The following B3GALT1 variants were observed in gnomAD, a reference collection of about 807,000 sequenced individuals.
B3GALT1 encodes the protein beta-1,3-galactosyltransferase 1, also known as UDP-Gal:betaGlcNAc beta 1,3-galactosyltransferase, polypeptide 1.
Under a neutral mutation model 23.2 loss-of-function variants are expected in B3GALT1, and 10 were observed. That is an observed-to-expected ratio of 0.43 (90% CI 0.27 to 0.73). The LOEUF (loss-of-function observed/expected upper bound fraction) is 0.73. Among genes scored for constraint, B3GALT1 ranks in the 30% least tolerant of loss-of-function variants. The pLI, the probability that B3GALT1 is intolerant of heterozygous loss-of-function variation, is 0.21. For synonymous variants in B3GALT1, 156 were observed against 141.5 expected (o/e 1.10, Z -0.73); for missense variants, 299 against 405.4 (o/e 0.74, Z 2.25).
chr2:167,674,825 T>C (rs751349519), intron 3 of B3GALT1, among the ~76,000 whole-genome samples: 91 of 152,350 alleles, frequency 6.0e-4, no homozygotes, highest in Non-Finnish European at 1.1e-3. Flanking sequence ...TGACATTAAA[T>C]GTGATGAATA....
intron 2 of B3GALT1, among the ~76,000 whole-genome samples, chr2:167,570,234 T>C (rs1684265281): frequency 6.6e-6 from 1 of 151,922 alleles, no homozygotes; most frequent in African/African-American, 2.4e-5. Context: ...TTATAGAGAA[T>C]TGGTGTAATT....
chr2:167,577,844 C>G (rs1163143215), intron 2 of B3GALT1, among the ~76,000 whole-genome samples: 1 of 151,500 alleles, frequency 6.6e-6, no homozygotes, highest in African/African-American at 2.4e-5. Flanking sequence ...CCTAGCTACT[C>G]TATATTAATT....
chr2:167,443,287 A>G (rs934061287), intron 1 of B3GALT1, among the ~76,000 whole-genome samples: 15 of 152,090 alleles, frequency 9.9e-5, no homozygotes, highest in African/African-American at 3.6e-4. Context: ...GCCTTGTAGT[A>G]TAGTTTGAAG....
At position 167,869,427 on chromosome 2, in the gene B3GALT1, G is replaced by A. The variant is rs774294184; in HGVS notation, c.388G>A (p.Val130Met). The change falls in exon 5 of 5, where the codon GTG becomes ATG. Residue 130 changes from valine (V) to methionine (M), a missense_variant. Around this residue, in one of 3 missense-constraint regions of B3GALT1, gnomAD observed 162 missense variants for 184.1 expected, o/e 0.88. Coordinates refer to ENST00000392690, the MANE Select transcript of B3GALT1 (RefSeq NM_020981.4). The surrounding 1 kb of genome is among the most constrained non-coding windows in gnomAD (Gnocchi z 6.4). Reference sequence around the variant, plus strand: ...TGCTGATCCTGTTCTCAATCAGATGGTGGAGCAAGAGAGCCAAATCTTCCA... The same window carrying A: ...TGCTGATCCTGTTCTCAATCAGATGATGGAGCAAGAGAGCCAAATCTTCCA... ...KNADPVLNQM[V>M]EQESQIFHDI... 3 of 1,613,964 alleles carry A rather than the reference G, an allele frequency of 1.9e-6. No individual in the cohort carries two copies. Among genetic ancestry groups the A allele is most frequent in the Non-Finnish European group, 2.5e-6 (3 of 1,180,026 alleles).
At chr2:167,579,202 A>ATTTG (rs1330322134) in intron 2 of B3GALT1, among the ~76,000 whole-genome samples, 3 of 151,974 alleles carry the variant, frequency 2.0e-5, no homozygotes, top group Admixed American at 2.0e-4. Flanking sequence ...GCTATGCTGA[A>ATTTG]TTTGTTCAAC....
intron 1 of B3GALT1, among the ~76,000 whole-genome samples, chr2:167,360,732 CCTTT>C (rs775386495): frequency 7.6e-4 from 115 of 152,070 alleles, no homozygotes; most frequent in Non-Finnish European, 1.6e-3. Flanking sequence ...TATAGTTCTT[CCTTT>C]CTATTTTGAA....
intron 4 of B3GALT1, among the ~76,000 whole-genome samples, chr2:167,860,319 C>T (rs1690073562): frequency 6.6e-6 from 1 of 152,146 alleles, no homozygotes; most frequent in African/African-American, 2.4e-5. Context: ...CAGCCAGCTC[C>T]TCACTCATTT....
intron 3 of B3GALT1, among the ~76,000 whole-genome samples, chr2:167,669,409 G>A (rs1402177918): frequency 6.6e-6 from 1 of 152,072 alleles, no homozygotes; most frequent in African/African-American, 2.4e-5. Flanking sequence ...ATATGGTCTG[G>A]TTTTTTTCTC....
intron 1 of B3GALT1, among the ~76,000 whole-genome samples, chr2:167,482,016 C>T (rs1017191139): frequency 6.6e-6 from 1 of 152,046 alleles, no homozygotes; most frequent in Non-Finnish European, 1.5e-5. Flanking sequence ...AAACATATTT[C>T]CAACCTAACA....
chr2:167,727,923 GGTGT>G (rs201851687), intron 3 of B3GALT1, among the ~76,000 whole-genome samples: 31,582 of 152,126 alleles, frequency 0.21, 3,696 homozygotes, highest in East Asian at 0.31. Flanking sequence ...TTGATACATT[GGTGT>G]CTGAATGAGA....
chr2:167,706,680 G>C (rs985191599), intron 3 of B3GALT1, among the ~76,000 whole-genome samples: 1 of 152,210 alleles, frequency 6.6e-6, no homozygotes, highest in Admixed American at 6.5e-5. Context: ...AGCTTACTTT[G>C]AAGTACACAT....
At chr2:167,476,587 G>A (rs904162836) in intron 1 of B3GALT1, among the ~76,000 whole-genome samples, 4 of 152,032 alleles carry the variant, frequency 2.6e-5, no homozygotes, top group South Asian at 2.1e-4. Flanking sequence ...GAATTCTGTC[G>A]AATATTCAGG....
chr2:167,413,735 A>G (rs945980803), intron 1 of B3GALT1, among the ~76,000 whole-genome samples: 1 of 151,556 alleles, frequency 6.6e-6, no homozygotes, highest in Admixed American at 6.6e-5. Flanking sequence ...CATAGTTTCC[A>G]TGTCTTTTGG....
intron 4 of B3GALT1, among the ~76,000 whole-genome samples, chr2:167,845,203 G>A (rs1689731032): frequency 6.6e-6 from 1 of 152,110 alleles, no homozygotes; most frequent in Admixed American, 6.5e-5. Context: ...GGGAGTTCTA[G>A]GGCCCCACCC....
intron 1 of B3GALT1, among the ~76,000 whole-genome samples, chr2:167,442,836 T>C (rs948768175): frequency 3.5e-5 from 5 of 142,660 alleles, no homozygotes; most frequent in African/African-American, 1.4e-4. Context: ...GCCTGTTCAC[T>C]CTGATGGTAG....
At chr2:167,316,548 A>C (rs766941475) in intron 1 of B3GALT1, among the ~76,000 whole-genome samples, 3 of 152,066 alleles carry the variant, frequency 2.0e-5, no homozygotes, top group African/African-American at 4.8e-5. Flanking sequence ...TCTCCAACTG[A>C]GGGCTTTCCC....
intron 2 of B3GALT1, among the ~76,000 whole-genome samples, chr2:167,643,067 A>G (rs989086041): frequency 1.3e-5 from 2 of 152,212 alleles, no homozygotes; most frequent in East Asian, 1.9e-4. Flanking sequence ...TAAGAATTTT[A>G]AAAACATATA....
chr2:167,694,756 G>A (rs1053340002), intron 3 of B3GALT1, among the ~76,000 whole-genome samples: 7 of 152,160 alleles, frequency 4.6e-5, no homozygotes, highest in Admixed American at 1.3e-4. Context: ...AGGGGCAGCC[G>A]AGATTCAAGG....
At chr2:167,464,707 A>G (rs1315409178) in intron 1 of B3GALT1, among the ~76,000 whole-genome samples, 1 of 152,198 alleles carries the variant, frequency 6.6e-6, no homozygotes, top group Non-Finnish European at 1.5e-5. Flanking sequence ...AATCTTTCAT[A>G]TGGATATGAA....
Sources: gnomAD v4.1 joint callset for allele counts (sites outside exome capture counted in the v4.1 genomes callset) on GRCh38, gnomAD v4.1.1 for gene constraint, gnomAD v4.1.1 regional missense constraint, Gnocchi (gnomAD v3.1) non-coding constraint, MANE v1.5 for transcripts, NCBI Gene and HGNC (gene_info 2026-07-23, HGNC 2026-07-21) for gene names.